GALNT2: variants seen among roughly 807,000 people sequenced by gnomAD.
The protein encoded by GALNT2 is UDP-GalNAc:polypeptide N-acetylgalactosaminyltransferase 2.
A neutral mutation model predicts 81.4 loss-of-function variants in GALNT2; 31 were observed. The ratio of observed to expected loss-of-function variants is 0.38; its 90% confidence interval spans 0.29 to 0.51. GALNT2 has a LOEUF of 0.51. GALNT2 is among the 20% of genes least tolerant of loss of function. GALNT2 has a pLI of 0.87. For synonymous variants in GALNT2, 303 were observed against 287.4 expected (o/e 1.05, Z -0.55); for missense variants, 629 against 765.7 (o/e 0.82, Z 2.11).
upstream of GALNT2, among the ~76,000 whole-genome samples, chr1:230,063,882 G>T (rs1000420394): frequency 1.3e-5 from 2 of 152,170 alleles, no homozygotes; most frequent in Non-Finnish European, 2.9e-5. Flanking sequence ...TTTAAAGGGT[G>T]AACTGAGCCC....
chr1:230,138,422 G>A (rs34393196), intron 1 of GALNT2, among the ~76,000 whole-genome samples: 52,843 of 151,638 alleles, frequency 0.35, 9,530 homozygotes, highest in East Asian at 0.53. Context: ...CTACTTGGGA[G>A]GCTGAGGCAG....
At chr1:230,239,215 C>T (rs1397974134) in intron 6 of GALNT2, among the ~76,000 whole-genome samples, 1 of 151,990 alleles carries the variant, frequency 6.6e-6, no homozygotes, top group African/African-American at 2.4e-5. Flanking sequence ...TGCTGTTCAT[C>T]GACGCTGTTC....
chr1:230,122,206 T>C (rs1661038021), intron 1 of GALNT2, among the ~76,000 whole-genome samples: 1 of 152,258 alleles, frequency 6.6e-6, no homozygotes, highest in African/African-American at 2.4e-5. Context: ...GCTGGTGCTT[T>C]CCTTGGTTAT....
chr1:230,227,225 T>A (rs1008072974), intron 3 of GALNT2, among the ~76,000 whole-genome samples: 24 of 152,002 alleles, frequency 1.6e-4, no homozygotes, highest in Non-Finnish European at 2.8e-4. Context: ...AATAAAAAAT[T>A]TGCCTTCCCA....
intron 1 of GALNT2, among the ~76,000 whole-genome samples, chr1:230,114,237 C>T (rs1019681925): frequency 3.3e-5 from 5 of 152,118 alleles, no homozygotes; most frequent in African/African-American, 4.8e-5. Flanking sequence ...GGTGTTTCCG[C>T]GCCTCATTCT....
rs769050682 is a variant in GALNT2 at position 230,077,921 on chromosome 1, C to A, written c.126+10515C>A. On this transcript the variant is annotated intron_variant, in intron 1 of 15. Coordinates refer to ENST00000366672, the MANE Select transcript of GALNT2 (RefSeq NM_004481.5). ...ATTTGGTTTTTAGGGATTAAGAGTG[C>A]TTGCTTCATTGTCGTTTCTTGGATT... is the stretch of plus-strand genomic sequence containing the variant. 1.8e-4 allele frequency among the ~76,000 whole-genome samples: 27 copies of A among 152,330 alleles called. 1 individual carries two copies. The highest frequency in any genetic ancestry group is 6.8e-3 in the Middle Eastern group (2 of 294).
chr1:230,226,433 T>C (rs1233796789), intron 3 of GALNT2, among the ~76,000 whole-genome samples: 1 of 152,208 alleles, frequency 6.6e-6, no homozygotes, highest in Non-Finnish European at 1.5e-5. Flanking sequence ...ACAGACTGTA[T>C]TTTAATATGT....
chr1:230,116,669 T>G (rs1282084342), intron 1 of GALNT2, among the ~76,000 whole-genome samples: 1 of 152,168 alleles, frequency 6.6e-6, no homozygotes, highest in Non-Finnish European at 1.5e-5. Flanking sequence ...GGTGACCAGG[T>G]GTGTCATCAG....
At chr1:230,231,704 T>C (rs1256121639) in intron 3 of GALNT2, among the ~76,000 whole-genome samples, 1 of 152,180 alleles carries the variant, frequency 6.6e-6, no homozygotes, top group African/African-American at 2.4e-5. Context: ...CTCAGAGAAA[T>C]TTAAAGCTAA....
chr1:230,245,574 ATACT>A (rs1484194094), intron 7 of GALNT2, among the ~76,000 whole-genome samples: 1 of 152,196 alleles, frequency 6.6e-6, no homozygotes, highest in Non-Finnish European at 1.5e-5. Context: ...GATAATATTG[ATACT>A]TACCACATCT....
Position 230,243,275 on chromosome 1 carries a change from T to G in GALNT2, c.608-31T>G, listed in dbSNP as rs1407406529. 5 of 1,579,074 alleles carry G rather than the reference T, an allele frequency of 3.2e-6. No homozygotes were observed. The Admixed American group carries it at 5.1e-5, about 16-fold the overall frequency. ...TTGTGCTGGCCCTGTGGCTTCTCTC[T>G]CCTGACGTGCTTTCCAACTCGCCTC... is the stretch of plus-strand genomic sequence containing the variant. On this transcript the variant is annotated intron_variant, in intron 6 of 15. Transcript: ENST00000366672. The surrounding 1 kb of genome is among the most constrained non-coding windows in gnomAD (Gnocchi z 4.2).
chr1:230,241,444 G>A (rs987783065), intron 6 of GALNT2, among the ~76,000 whole-genome samples: 2 of 147,272 alleles, frequency 1.4e-5, no homozygotes, highest in Non-Finnish European at 3.0e-5. Context: ...TTTTTTTTTC[G>A]TTTGTTTGTT....
intron 6 of GALNT2, among the ~76,000 whole-genome samples, 159 bp downstream of exon 6, chr1:230,236,884 A>G (rs1558154095): frequency 6.6e-6 from 1 of 152,234 alleles, no homozygotes; most frequent in East Asian, 1.9e-4. Context: ...CAAACACAGG[A>G]AAGACATTAA....
chr1:230,153,975 G>A (rs1192753558), intron 1 of GALNT2, among the ~76,000 whole-genome samples: 1 of 152,146 alleles, frequency 6.6e-6, no homozygotes, highest in African/African-American at 2.4e-5. Flanking sequence ...TGTCTGCGTG[G>A]GTGTCTACCT....
Position 230,199,220 on chromosome 1 carries a change from T to C in GALNT2, c.221-3917T>C, listed in dbSNP as rs181835240. Among the ~76,000 whole-genome samples the C allele has an allele frequency of 1.9e-3, 283 of 152,284 alleles. 1 individual carries two copies. The highest frequency in any genetic ancestry group is 6.5e-3 in the African/African-American group (270 of 41,548). On this transcript the variant is annotated intron_variant, in intron 2 of 15. Transcript: ENST00000366672. ...CGTTTTGTTGGTTGTTTTGTGGCTG[T>C]TTCTCTCTAACCTCTGACTCATACC... is the stretch of plus-strand genomic sequence containing the variant.
At chr1:230,158,357 T>C (rs1291791586) in intron 1 of GALNT2, among the ~76,000 whole-genome samples, 2 of 152,348 alleles carry the variant, frequency 1.3e-5, no homozygotes, top group East Asian at 3.9e-4. Flanking sequence ...AGCTTAGACC[T>C]GATTACATTA....
chr1:230,106,317 T>C (rs900265998), intron 1 of GALNT2, among the ~76,000 whole-genome samples: 1 of 152,186 alleles, frequency 6.6e-6, no homozygotes, highest in African/African-American at 2.4e-5. Context: ...GAAACGATAC[T>C]GAATGGAGAT....
chr1:230,100,879 A>G (rs1039057963), intron 1 of GALNT2, among the ~76,000 whole-genome samples: 4 of 152,366 alleles, frequency 2.6e-5, no homozygotes, highest in Middle Eastern at 6.8e-3. Flanking sequence ...ACATGTACAC[A>G]TGCGTATACA....
chr1:230,190,852 G>T (rs1433196505), intron 2 of GALNT2, among the ~76,000 whole-genome samples: 1 of 152,124 alleles, frequency 6.6e-6, no homozygotes, highest in East Asian at 1.9e-4. Flanking sequence ...CTTATTTTTT[G>T]TTGTGGGACA....
Sources: gnomAD v4.1 joint callset for allele counts (sites outside exome capture counted in the v4.1 genomes callset) on GRCh38, gnomAD v4.1.1 for gene constraint, Gnocchi (gnomAD v3.1) non-coding constraint, MANE v1.5 for transcripts, NCBI Gene and HGNC (gene_info 2026-07-23, HGNC 2026-07-21) for gene names.